The following ZNF490 variants were observed in gnomAD, a reference collection of about 807,000 sequenced individuals.
The protein encoded by ZNF490 is zinc finger protein 490.
In ZNF490, 11 loss-of-function variants were observed where a neutral mutation model predicts 17.7. The observed-to-expected ratio is 0.62, with a 90% CI of 0.39 to 1.03. The LOEUF is 1.03. Among genes scored for constraint, ZNF490 ranks in the 50% least tolerant of loss-of-function variants. ZNF490 has a pLI of 0.00. For missense variants in ZNF490, 542 were observed against 643.4 expected (o/e 0.84, Z 1.71); for synonymous variants, 222 against 216.1 (o/e 1.03, Z -0.24).
At chr19:12,598,476 G>A (rs1269903580) in intron 2 of ZNF490, among the ~76,000 whole-genome samples, 5 of 150,734 alleles carry the variant, frequency 3.3e-5, no homozygotes, top group Admixed American at 2.6e-4. Flanking sequence ...CCGGGTTCAA[G>A]CGATTCTCCC....
intron 2 of ZNF490, among the ~76,000 whole-genome samples, chr19:12,588,465 AAT>A (rs1327376149): frequency 6.6e-6 from 1 of 152,186 alleles, no homozygotes; most frequent in Non-Finnish European, 1.5e-5. Context: ...AGAGTGGCAA[AAT>A]ATATGAGGGG....
At chr19:12,609,294 C>A in intron 1 of ZNF490, 92 bp from the exon 2 acceptor site, 1 of 1,075,450 alleles carries the variant, frequency 9.3e-7, no homozygotes, top group Non-Finnish European at 1.4e-6. Flanking sequence ...GTTCCCCCTG[C>A]ATCTACCTGT....
chr19:12,598,562 C>T (rs55736815), intron 2 of ZNF490, among the ~76,000 whole-genome samples: 3 of 151,328 alleles, frequency 2.0e-5, no homozygotes, highest in Non-Finnish European at 2.9e-5. Context: ...TTAGTAGACA[C>T]GGGGTTTCTC....
At chr19:12,582,472 G>GC (rs544551721) in intron 4 of ZNF490, among the ~76,000 whole-genome samples, 107 of 152,064 alleles carry the variant, frequency 7.0e-4, no homozygotes, top group African/African-American at 2.6e-3. Flanking sequence ...TCAGCTCACT[G>GC]CAACCTCCAC....
rs1037282066 is a variant in ZNF490 at position 12,578,509 on chromosome 19, A to T, written c.*1976T>A. 9 of 985,458 alleles carry T rather than the reference A, an allele frequency of 9.1e-6. No individual in the cohort carries two copies. In the East Asian group the frequency reaches 1.0e-3, roughly 112 times the overall value. 61.0% of individuals were successfully genotyped at this position (985,458 alleles called of 1,614,324 possible). A position where few individuals can be genotyped will look rare whatever the true frequency, so the allele number is the denominator to read the frequency against. On this transcript the variant is annotated 3_prime_UTR_variant, in exon 5 of 5. Coordinates refer to ENST00000311437, the MANE Select transcript of ZNF490 (RefSeq NM_020714.3). ...TGTGAATGTTTAAACAAGTGTCCAAAGTGTAGGTTTGAGATGGGAAATGGA... is the reference window on the plus strand; with the variant it reads ...TGTGAATGTTTAAACAAGTGTCCAATGTGTAGGTTTGAGATGGGAAATGGA...
intron 2 of ZNF490, among the ~76,000 whole-genome samples, chr19:12,607,599 C>T (rs944585847): frequency 3.3e-5 from 5 of 151,976 alleles, no homozygotes; most frequent in Admixed American, 6.6e-5. Flanking sequence ...ATACTGAGCA[C>T]TGTCAAAAAC....
chr19:12,583,397 C>T (rs751332930), intron 3 of ZNF490, 33 bp downstream of exon 3: 10 of 1,556,552 alleles, frequency 6.4e-6, no homozygotes, highest in Non-Finnish European at 7.8e-6. Context: ...CTGTTCCCTC[C>T]TTAATTAAGT....
At position 12,597,535 on chromosome 19, in the gene ZNF490, G is replaced by A. The variant is rs2022949553; in HGVS notation, c.162+11623C>T. Among the ~76,000 whole-genome samples the A allele has an allele frequency of 2.6e-5, 4 of 152,222 alleles. No homozygotes were observed. The South Asian group carries it at 8.3e-4, about 32-fold the overall frequency. On this transcript the variant is annotated intron_variant, in intron 2 of 4. Coordinates refer to ENST00000311437, the MANE Select transcript of ZNF490 (RefSeq NM_020714.3). ...CAGTAGTGTTAAGTGTAGTTACATT[G>A]TGAAACCAATCTCTAGAACTGATTT...
At chr19:12,610,274 A>G (rs12104149) in intron 1 of ZNF490, among the ~76,000 whole-genome samples, 68,459 of 127,030 alleles carry the variant, frequency 0.54, 20,727 homozygotes, top group Non-Finnish European at 0.67. Context: ...CCTGGAGTCA[A>G]GCGATCCACC....
At chr19:12,588,648 A>G (rs2022830000) in intron 2 of ZNF490, among the ~76,000 whole-genome samples, 1 of 152,234 alleles carries the variant, frequency 6.6e-6, no homozygotes, top group African/African-American at 2.4e-5. Context: ...AGAATAATTC[A>G]TTCAGTAACA....
At chr19:12,583,787 CTCTCTATA>C (rs1447670963) in intron 2 of ZNF490, among the ~76,000 whole-genome samples, 78 of 89,842 alleles carry the variant, frequency 8.7e-4, no homozygotes, top group African/African-American at 1.1e-3. Flanking sequence ...CTCTCTCTCT[CTCTCTATA>C]TATATATATA....
intron 4 of ZNF490, among the ~76,000 whole-genome samples, chr19:12,582,093 A>T (rs2022743085): frequency 6.6e-6 from 1 of 150,966 alleles, no homozygotes. Context: ...CGCTAATTTT[A>T]TATCTTTTTT....
rs2022805789 is a variant in ZNF490, at chr19:12,586,145, T to C, written c.163-2589A>G. On this transcript the variant is annotated intron_variant, in intron 2 of 4. Coordinates refer to ENST00000311437, the MANE Select transcript of ZNF490 (RefSeq NM_020714.3). ...AGCAAAACCCCATCTCTACTAAAAA[T>C]ACAAAAATTTGCCGGGTGTGGTGGG... is the stretch of plus-strand genomic sequence containing the variant. Among the ~76,000 whole-genome samples the C allele has an allele frequency of 2.2e-5, 2 of 90,634 alleles. 1 individual carries two copies. 59.5% of individuals were successfully genotyped at this position (90,634 alleles called of 152,430 possible).
In ZNF490 at chr19:12,577,785, AC is replaced by A. The variant is rs1407497661; in HGVS notation, c.*2699del. On this transcript the variant is annotated 3_prime_UTR_variant, in exon 5 of 5. Coordinates refer to ENST00000311437, the MANE Select transcript of ZNF490 (RefSeq NM_020714.3). ...GAGCGACACAAAGATCACTTCTGGG[AC>A]CCACCCAGGGAGACTGTTGTTACGA... 4 of 985,322 alleles carry A rather than the reference AC, an allele frequency of 4.1e-6. No homozygotes were observed. The highest frequency in any genetic ancestry group is 1.7e-5 in the African/African-American group (1 of 57,206). 61.0% of individuals were successfully genotyped at this position (985,322 alleles called of 1,614,324 possible).
intron 2 of ZNF490, among the ~76,000 whole-genome samples, chr19:12,604,780 C>T (rs1277535101): frequency 2.7e-5 from 4 of 150,144 alleles, no homozygotes; most frequent in Admixed American, 6.7e-5. Flanking sequence ...GCTGAGATCG[C>T]GCCATTGCAC....
At chr19:12,588,888 T>C (rs952146522) in intron 2 of ZNF490, among the ~76,000 whole-genome samples, 5 of 152,240 alleles carry the variant, frequency 3.3e-5, no homozygotes, top group African/African-American at 1.2e-4. Context: ...TATTAAAAAT[T>C]ATTTTGAATT....
intron 2 of ZNF490, among the ~76,000 whole-genome samples, chr19:12,587,944 G>A (rs1216996848): frequency 1.1e-5 from 1 of 92,094 alleles, no homozygotes; most frequent in African/African-American, 3.2e-5. Flanking sequence ...ATCTCGGCTC[G>A]CTACAACCTC....
rs2022654964 is a variant in ZNF490, at chr19:12,577,274, A to T, written c.*3211T>A. Among the ~76,000 whole-genome samples the T allele has an allele frequency of 6.6e-6, 1 of 152,190 alleles. No homozygotes were observed. The highest frequency in any genetic ancestry group is 1.5e-5 in the Non-Finnish European group (1 of 68,036). ...ATAGACCCACATATACTTGTCCTTC[A>T]AAAAGTGAATGTTCTCACTCCCATT... On this transcript the variant is annotated 3_prime_UTR_variant, in exon 5 of 5. Transcript: ENST00000311437.
Position 12,585,619 on chromosome 19 carries a change from C to A in ZNF490, c.163-2063G>T, listed in dbSNP as rs1437425556. Among the ~76,000 whole-genome samples, 4 of 93,110 alleles carry A rather than the reference C, an allele frequency of 4.3e-5. 2 individuals are homozygous for A. Among genetic ancestry groups the A allele is most frequent in the African/African-American group, 1.3e-4 (4 of 31,086 alleles). The allele number at this position is 93,110 out of a possible 152,430, so 61.1% of individuals were successfully genotyped here. A position where few individuals can be genotyped will look rare whatever the true frequency, so the allele number is the denominator to read the frequency against. On this transcript the variant is annotated intron_variant, in intron 2 of 4. Transcript: ENST00000311437. The stretch of plus-strand genomic sequence containing the variant: ...AACATCATGGCTCGGGGCACAGGCT[C>A]ACCAGAAGACAGATGATTCATAGGA...
Sources: gnomAD v4.1 joint callset for allele counts (sites outside exome capture counted in the v4.1 genomes callset) on GRCh38, gnomAD v4.1.1 for gene constraint, MANE v1.5 for transcripts, NCBI Gene and HGNC (gene_info 2026-07-23, HGNC 2026-07-21) for gene names.